MGAM: variants seen among roughly 807,000 people sequenced by gnomAD.
MGAM encodes alpha-1,4-glucosidase.
In MGAM, 253 loss-of-function variants were observed where a neutral mutation model predicts 358.8. The ratio of observed to expected loss-of-function variants is 0.71; its 90% confidence interval spans 0.64 to 0.78. MGAM has a LOEUF of 0.78. Among genes scored for constraint, MGAM ranks in the 30% least tolerant of loss-of-function variants. The pLI is 0.00. For missense variants in MGAM, 3,080 were observed against 3,432.6 expected (o/e 0.90, Z 2.57); for synonymous variants, 1,105 against 1,227.1 (o/e 0.90, Z 2.08).
chr7:142,007,259 T>C (rs782363621), intron 2 of MGAM, among the ~76,000 whole-genome samples: 4 of 152,188 alleles, frequency 2.6e-5, no homozygotes, highest in Non-Finnish European at 5.9e-5. Flanking sequence ...ATATTTTTCA[T>C]GGACTTTCTG....
rs750414725 is a variant in MGAM, at chr7:142,052,361, T to C, written c.2873T>C (p.Ile958Thr). The C allele has an allele frequency of 7.4e-6, 12 of 1,611,722 alleles. No homozygotes were observed. The South Asian group carries it at 1.3e-4, about 18-fold the overall frequency. ...EAYTVEWSIK[I>T]RDEEKIDCYP... Reference sequence around the variant, plus strand: ...TACACAGTGGAATGGAGCATAAAGATAAGGGATGAAGAAAAAATAGACTGT... The same window carrying C: ...TACACAGTGGAATGGAGCATAAAGACAAGGGATGAAGAAAAAATAGACTGT... The change falls in exon 25 of 71, where the codon ATA becomes ACA. Residue 958 changes from isoleucine to threonine, a missense_variant. This residue lies in a region of MGAM where 1,816 missense variants were observed against 1,840.5 expected (regional missense o/e 0.99). Transcript: ENST00000475668.
At chr7:142,045,069 TA>T (rs1809883684) in intron 21 of MGAM, among the ~76,000 whole-genome samples, 12 of 35,940 alleles carry the variant, frequency 3.3e-4, no homozygotes, top group Non-Finnish European at 2.7e-4. Context: ...ATATTATATA[TA>T]CGTGTAATAT....
At chr7:142,057,151 G>A (rs1811631768) in intron 30 of MGAM, among the ~76,000 whole-genome samples, 1 of 152,126 alleles carries the variant, frequency 6.6e-6, no homozygotes, top group Admixed American at 6.5e-5. Context: ...AGTTATAGTG[G>A]TACTAGTGGT....
At chr7:142,070,361 A>C (rs1283841753) in intron 43 of MGAM, among the ~76,000 whole-genome samples, 3 of 146,262 alleles carry the variant, frequency 2.1e-5, no homozygotes, top group African/African-American at 7.3e-5. Context: ...CCCACAGCCA[A>C]ATCTGGTTGT....
chr7:142,076,871 A>G lies in MGAM; in HGVS notation c.5493+45A>G, dbSNP rs1262248788. ...AGATGGTACATTGAGAATTCTCCATAGCACCATGATGTTTCTTCTTGCCAA... is the reference window on the plus strand; with the variant it reads ...AGATGGTACATTGAGAATTCTCCATGGCACCATGATGTTTCTTCTTGCCAA... On this transcript the variant is annotated intron_variant, in intron 47 of 70. Transcript: ENST00000475668. The G allele has an allele frequency of 2.0e-6, 3 of 1,521,554 alleles. 1 individual carries two copies. The highest frequency in any genetic ancestry group is 4.6e-5 in the East Asian group (2 of 43,506). The allele number at this position is 1,521,554 out of a possible 1,614,324, so 94.3% of individuals were successfully genotyped here. A position where few individuals can be genotyped will look rare whatever the true frequency, so the allele number is the denominator to read the frequency against.
chr7:142,025,310 A>G (rs1554460543), intron 8 of MGAM, among the ~76,000 whole-genome samples, 161 bp downstream of exon 8: 1 of 152,174 alleles, frequency 6.6e-6, no homozygotes, highest in Non-Finnish European at 1.5e-5. Context: ...TTCATTACCT[A>G]TTGATCCATG....
At chr7:142,045,144 AT>A (rs1402362587) in intron 21 of MGAM, among the ~76,000 whole-genome samples, 3 of 80,446 alleles carry the variant, frequency 3.7e-5, no homozygotes, top group African/African-American at 1.2e-4. Flanking sequence ...TATATTATAT[AT>A]CATATATGTG....
intron 21 of MGAM, among the ~76,000 whole-genome samples, chr7:142,045,058 T>C (rs1267249644): frequency 2.1e-5 from 2 of 96,774 alleles, no homozygotes; most frequent in Non-Finnish European, 4.1e-5. Flanking sequence ...ATATAATATG[T>C]ATATTATATA....
At chr7:142,053,682 A>G (rs759102066) in intron 26 of MGAM, among the ~76,000 whole-genome samples, 6 of 152,158 alleles carry the variant, frequency 3.9e-5, no homozygotes, top group Non-Finnish European at 7.4e-5. Context: ...TCTGAAATCT[A>G]CAGAGCCTGG....
chr7:142,074,169 A>G lies in MGAM; in HGVS notation c.5271A>G (p.Thr1757=), dbSNP rs746944734. The G allele has an allele frequency of 1.3e-6, 2 of 1,527,780 alleles. No individual in the cohort carries two copies. Among genetic ancestry groups the G allele is most frequent in the South Asian group, 1.1e-5 (1 of 88,334 alleles). The allele number at this position is 1,527,780 out of a possible 1,614,324, so 94.6% of individuals were successfully genotyped here. ...AACTTTTCTGGGATGATGGGCAAAC[A>G]AAGGGTGAGCGCTGTTACAATAATG... The part of the protein sequence containing the change: ...KGELFWDDGQ[T]KDTVAKKVYL... The change falls in exon 45 of 71, where the codon ACA becomes ACG. Residue 1757 remains threonine (T), a synonymous_variant. Coordinates refer to ENST00000475668, the MANE Select transcript of MGAM (RefSeq NM_001365693.1).
intron 68 of MGAM, 84 bp from the exon 69 acceptor site, chr7:142,102,546 A>G: frequency 7.8e-7 from 1 of 1,283,940 alleles, no homozygotes; most frequent in South Asian, 1.4e-5. Flanking sequence ...ACAAGTAGGC[A>G]ATTAGAACAG....
chr7:142,047,312 C>T (rs79777900), intron 21 of MGAM, among the ~76,000 whole-genome samples: 2,349 of 152,208 alleles, frequency 0.015, 58 homozygotes, highest in African/African-American at 0.054. Context: ...AGATAAGTTA[C>T]TACTAAATAG....
At chr7:142,096,622 G>A (rs1815935739) in intron 65 of MGAM, among the ~76,000 whole-genome samples, 1 of 152,140 alleles carries the variant, frequency 6.6e-6, no homozygotes. Context: ...TAACAATTCT[G>A]GTTCATAGGA....
chr7:142,058,142 A>G, intron 30 of MGAM, 61 bp from the exon 31 acceptor site: 2 of 1,608,336 alleles, frequency 1.2e-6, no homozygotes, highest in Non-Finnish European at 1.7e-6. Context: ...TTATTACTTG[A>G]TGTAAAACTT....
intron 31 of MGAM, 79 bp downstream of exon 31, chr7:142,058,407 G>A: frequency 6.3e-7 from 1 of 1,592,000 alleles, no homozygotes; most frequent in Admixed American, 1.8e-5. Flanking sequence ...TCTAATGTTT[G>A]TTGGATTCCA....
rs1280962774 is a variant in MGAM, at chr7:142,052,765, C to T, written c.2959-19C>T. 2 of 1,613,184 alleles carry T rather than the reference C, an allele frequency of 1.2e-6. No individual in the cohort carries two copies. Among genetic ancestry groups the T allele is most frequent in the Middle Eastern group, 1.7e-4 (1 of 6,060 alleles). ...GACCACATGCTGTGCTGATCTATGA[C>T]TTTGGCCTTACTTTTCAGGCATCCA... On this transcript the variant is annotated intron_variant, in intron 25 of 70. Coordinates refer to ENST00000475668, the MANE Select transcript of MGAM (RefSeq NM_001365693.1).
At chr7:142,079,620 T>A (rs1814066424) in intron 49 of MGAM, among the ~76,000 whole-genome samples, 1 of 146,172 alleles carries the variant, frequency 6.8e-6, no homozygotes, top group Non-Finnish European at 1.5e-5. Context: ...AGACTAGGGA[T>A]GGACTAGCTG....
At chr7:142,037,447 T>C (rs1010465255) in intron 18 of MGAM, among the ~76,000 whole-genome samples, 1 of 152,224 alleles carries the variant, frequency 6.6e-6, no homozygotes, top group Non-Finnish European at 1.5e-5. Flanking sequence ...AATTTCAGAA[T>C]TCTTATTTCT....
chr7:142,104,412 A>T (rs989479699), intron 70 of MGAM, among the ~76,000 whole-genome samples: 5 of 152,104 alleles, frequency 3.3e-5, no homozygotes, highest in African/African-American at 1.2e-4. Flanking sequence ...AGTTTATTGT[A>T]TTTATTATTA....
Sources: gnomAD v4.1 joint callset for allele counts (sites outside exome capture counted in the v4.1 genomes callset) on GRCh38, gnomAD v4.1.1 for gene constraint, gnomAD v4.1.1 regional missense constraint, MANE v1.5 for transcripts, NCBI Gene and HGNC (gene_info 2026-07-23, HGNC 2026-07-21) for gene names.